GTF2H3: variants seen among roughly 807,000 people sequenced by gnomAD.
GTF2H3 encodes general transcription factor IIH subunit 3, also known as TFIIH basal transcription factor complex p34 subunit.
GTF2H3 carries 42 observed loss-of-function variants against 51.1 expected under a neutral mutation model. That is an observed-to-expected ratio of 0.82 (90% CI 0.64 to 1.06). The LOEUF (loss-of-function observed/expected upper bound fraction) is 1.06, where lower values mean the gene tolerates loss of function less well. GTF2H3 is among the 50% of genes least tolerant of loss of function. The pLI, the probability that GTF2H3 is intolerant of heterozygous loss-of-function variation, is 0.00. For synonymous variants in GTF2H3, 123 were observed against 123.8 expected (o/e 0.99, Z 0.04); for missense variants, 326 against 366.1 (o/e 0.89, Z 0.89).
intron 11 of GTF2H3, 40 bp downstream of exon 11, chr12:123,659,970 G>T (rs1363581286): frequency 6.2e-7 from 1 of 1,603,752 alleles, no homozygotes; most frequent in Admixed American, 1.7e-5. Flanking sequence ...TTTCTATGTT[G>T]GGGGGCAGGA....
chr12:123,657,173 C>CT lies in GTF2H3; in HGVS notation c.615+1361dup, dbSNP rs113646322. Among the ~76,000 whole-genome samples the CT allele has an allele frequency of 2.8e-3, 407 of 145,174 alleles. 1 individual carries two copies. The highest frequency in any genetic ancestry group is 6.5e-3 in the African/African-American group (259 of 39,832). Reference sequence around the variant, plus strand: ...GTGCAAAAGTAATTGTGGTTTTTGCCTTTTTTTTTTTTAACAGTAAACACT... The same window carrying CT: ...GTGCAAAAGTAATTGTGGTTTTTGCCTTTTTTTTTTTTTAACAGTAAACACT... On this transcript the variant is annotated intron_variant, in intron 9 of 12. Coordinates refer to ENST00000543341, the MANE Select transcript of GTF2H3 (RefSeq NM_001516.5).
In GTF2H3 at chr12:123,652,542, A is replaced by G; in HGVS notation, c.438A>G (p.Arg146=). 1 of 1,449,756 alleles carries G rather than the reference A, an allele frequency of 6.9e-7. No individual in the cohort carries two copies. The highest frequency in any genetic ancestry group is 9.5e-7 in the Non-Finnish European group (1 of 1,055,124). 89.8% of individuals were successfully genotyped at this position (1,449,756 alleles called of 1,614,324 possible). ...TGTTAAGAAATTAAGACATTCATAG[A>G]ATGAACAAGGAAGTTAAAGGTAAGA... ...SLAKALCYIH[R]MNKEVKDNQE... is the part of the protein sequence containing the mutation. Residue 146 remains arginine (R), a synonymous_variant, in exon 6 of 13, where the codon AGA becomes AGG. Transcript: ENST00000543341.
In GTF2H3 at chr12:123,660,107, G is replaced by A. The variant is rs781139625; in HGVS notation, c.857+25G>A. The A allele has an allele frequency of 2.9e-5, 46 of 1,607,868 alleles. No individual in the cohort carries two copies. In the South Asian group the frequency reaches 3.0e-4, roughly 11 times the overall value. ...AGTAAGTATCTTTGAGATTGTGTGGGTGGCTAATACTTCACAGCTCTAGAA... is the reference window on the plus strand; with the variant it reads ...AGTAAGTATCTTTGAGATTGTGTGGATGGCTAATACTTCACAGCTCTAGAA... On this transcript the variant is annotated intron_variant, in intron 12 of 12. Transcript: ENST00000543341.
At position 123,648,019 on chromosome 12, in the gene GTF2H3, G is replaced by A. The variant is rs762437293; in HGVS notation, c.257G>A (p.Gly86Asp). The A allele has an allele frequency of 6.2e-7, 1 of 1,612,748 alleles. No homozygotes were observed. The highest frequency in any genetic ancestry group is 2.2e-5 in the East Asian group (1 of 44,876). Residue 86 changes from glycine to aspartate, a missense_variant, in exon 4 of 13, where the codon GGC (glycine) becomes GAC (aspartate). Physicochemically the swap from Gly to Asp is moderately conservative, Grantham distance 94. Transcript: ENST00000543341. ...GRLGDFFGDP[G>D]NPPEFNPSGS... ...CTTGGAGACTTCTTCGGAGACCCTG[G>A]CAACCCTCCTGAATTTAATCCCTCT...
At chr12:123,660,125 C>T in intron 12 of GTF2H3, 41 bp from the exon 13 acceptor site, 2 of 1,608,278 alleles carry the variant, frequency 1.2e-6, no homozygotes, top group African/African-American at 2.7e-5. Context: ...TACTTCACAG[C>T]TCTAGAACAT....
intron 3 of GTF2H3, among the ~76,000 whole-genome samples, chr12:123,646,960 G>A (rs983607269): frequency 6.6e-6 from 1 of 151,506 alleles, no homozygotes; most frequent in Non-Finnish European, 1.5e-5. Flanking sequence ...GACCATCCTG[G>A]CTAACATGGT....
chr12:123,649,266 GC>G (rs1484577971), intron 4 of GTF2H3: 3 of 152,144 alleles, frequency 2.0e-5, no homozygotes, highest in African/African-American at 7.2e-5. Context: ...CCACACCCAG[GC>G]CCCATCCCTT....
At chr12:123,646,672 G>A (rs1440160456) in intron 3 of GTF2H3, among the ~76,000 whole-genome samples, 1 of 152,108 alleles carries the variant, frequency 6.6e-6, no homozygotes, top group Non-Finnish European at 1.5e-5. Context: ...GCTTCCTCTG[G>A]TGAGGTGAGA....
chr12:123,656,168 G>A, intron 9 of GTF2H3: 1 of 196,024 alleles, frequency 5.1e-6, no homozygotes, highest in Non-Finnish European at 1.0e-5. Flanking sequence ...TCAGTTACAA[G>A]CACAAAACTA....
intron 1 of GTF2H3, among the ~76,000 whole-genome samples, chr12:123,637,418 T>C (rs79348269): frequency 1.3e-5 from 2 of 152,140 alleles, no homozygotes; most frequent in East Asian, 3.9e-4. Context: ...ATTAATGTGT[T>C]GTGGTAGCCT....
chr12:123,660,491 T>C lies in GTF2H3; in HGVS notation c.*256T>C, dbSNP rs1345904402. On this transcript the variant is annotated 3_prime_UTR_variant, in exon 13 of 13. Coordinates refer to ENST00000543341, the MANE Select transcript of GTF2H3 (RefSeq NM_001516.5). ...TCCATGTTTGTGGCTTTCATTTTTT[T>C]AATGGGATGACTATTAGTCAAAGTC... 3 of 314,282 alleles carry C rather than the reference T, an allele frequency of 9.5e-6. No individual in the cohort carries two copies. Among genetic ancestry groups the C allele is most frequent in the Non-Finnish European group, 1.7e-5 (3 of 172,880 alleles). The allele number at this position is 314,282 out of a possible 1,614,324, so 19.5% of individuals were successfully genotyped here. A position where few individuals can be genotyped will look rare whatever the true frequency, so the allele number is the denominator to read the frequency against.
In GTF2H3 at chr12:123,652,976, C is replaced by A. The variant is rs559255551; in HGVS notation, c.486+241C>A. Among the ~76,000 whole-genome samples, 6 of 151,828 alleles carry A rather than the reference C, an allele frequency of 4.0e-5. No homozygotes were observed. The South Asian group carries it at 6.3e-4, about 16-fold the overall frequency. On this transcript the variant is annotated intron_variant, in intron 7 of 12. Coordinates refer to ENST00000543341, the MANE Select transcript of GTF2H3 (RefSeq NM_001516.5). ...GCCTATAGTCCCAGCTACTTGGGATCCCGAGGCAGGAGAATCGTTTGAACC... is the reference window on the plus strand; with the variant it reads ...GCCTATAGTCCCAGCTACTTGGGATACCGAGGCAGGAGAATCGTTTGAACC...
Position 123,643,221 on chromosome 12 carries a change from G to C in GTF2H3, c.94-2234G>C, listed in dbSNP as rs534846309. ...AATTAGCTATGGATACAAGAATTCA[G>C]CAAAAATCAACATAGGCATTCTGTG... On this transcript the variant is annotated intron_variant, in intron 2 of 12. Transcript: ENST00000543341. 5.3e-5 allele frequency among the ~76,000 whole-genome samples: 8 copies of C among 152,264 alleles called. 1 individual carries two copies. In the East Asian group the frequency reaches 1.3e-3, roughly 26 times the overall value.
chr12:123,652,408 G>A lies in GTF2H3; in HGVS notation c.428-124G>A, dbSNP rs1955530891. The stretch of plus-strand genomic sequence containing the variant: ...TTGTGTATTTATCTTGGTGAGTGGA[G>A]CATTTCCCTTCTTAGCTAGGTAGAT... On this transcript the variant is annotated intron_variant, in intron 5 of 12. Coordinates refer to ENST00000543341, the MANE Select transcript of GTF2H3 (RefSeq NM_001516.5). The A allele has an allele frequency of 4.5e-5, 28 of 617,846 alleles. No homozygotes were observed. The South Asian group carries it at 5.5e-4, about 12-fold the overall frequency. 38.3% of individuals were successfully genotyped at this position (617,846 alleles called of 1,614,324 possible).
chr12:123,645,824 G>A (rs1955438620), intron 3 of GTF2H3, among the ~76,000 whole-genome samples: 1 of 152,212 alleles, frequency 6.6e-6, no homozygotes, highest in African/African-American at 2.4e-5. Flanking sequence ...AAAAGGGAAA[G>A]AGAGCTATCA....
At chr12:123,645,643 C>A in intron 3 of GTF2H3, 82 bp downstream of exon 3, 2 of 719,882 alleles carry the variant, frequency 2.8e-6, no homozygotes, top group South Asian at 1.6e-5. Context: ...ATTGTTCCTA[C>A]TCCATGTTGC....
chr12:123,645,942 C>G (rs1467153973), intron 3 of GTF2H3, among the ~76,000 whole-genome samples: 1 of 152,190 alleles, frequency 6.6e-6, no homozygotes, highest in Non-Finnish European at 1.5e-5. Context: ...GCGTAGTTCT[C>G]ATGGCCTGTT....
intron 3 of GTF2H3, 34 bp downstream of exon 3, chr12:123,645,595 G>A: frequency 1.9e-6 from 2 of 1,080,948 alleles, no homozygotes; most frequent in Non-Finnish European, 2.9e-6. Context: ...GCTCTTCAGT[G>A]CTTAATATTC....
rs1454188065 is a variant in GTF2H3, at chr12:123,660,345, T to C, written c.*110T>C. On this transcript the variant is annotated 3_prime_UTR_variant, in exon 13 of 13. Coordinates refer to ENST00000543341, the MANE Select transcript of GTF2H3 (RefSeq NM_001516.5). ...GATAGGTATAGGATAATTTTTAATA[T>C]GGTGACCTTACAGAAAATATTTCCC... 1.3e-5 allele frequency: 9 copies of C among 707,018 alleles called. No individual in the cohort carries two copies. Among genetic ancestry groups the C allele is most frequent in the Non-Finnish European group, 1.8e-5 (8 of 434,732 alleles). The allele number at this position is 707,018 out of a possible 1,614,324, so 43.8% of individuals were successfully genotyped here.
Sources: allele counts gnomAD v4.1 joint callset (sites outside exome capture counted in the v4.1 genomes callset), GRCh38; gene constraint gnomAD v4.1.1; transcripts MANE v1.5; gene names NCBI Gene and HGNC (gene_info 2026-07-23, HGNC 2026-07-21).